The following NRP1 variants were observed in gnomAD, a reference collection of about 807,000 sequenced individuals.
The protein encoded by NRP1 is neuropilin-1.
Under a neutral mutation model 106.7 loss-of-function variants are expected in NRP1, and 35 were observed. That is an observed-to-expected ratio of 0.33 (90% CI 0.25 to 0.43). The LOEUF is 0.43. Among genes scored for constraint, NRP1 ranks in the 20% least tolerant of loss-of-function variants. The pLI, the probability that NRP1 is intolerant of heterozygous loss-of-function variation, is 1.00. For synonymous variants in NRP1, 437 were observed against 417.9 expected, an observed-to-expected ratio of 1.05 and a Z score of -0.56; for missense variants, 1,024 against 1,170.4, an observed-to-expected ratio of 0.87 and a Z score of 1.83.
At chr10:33,299,780 C>T (rs745360952) in intron 2 of NRP1, among the ~76,000 whole-genome samples, 2 of 152,002 alleles carry the variant, frequency 1.3e-5, no homozygotes, top group Non-Finnish European at 2.9e-5. Context: ...AGAGAGACCC[C>T]GTCTCTAAAA....
chr10:33,233,659 C>T (rs368844820), intron 6 of NRP1, among the ~76,000 whole-genome samples: 6 of 152,166 alleles, frequency 3.9e-5, no homozygotes, highest in South Asian at 4.2e-4. Flanking sequence ...GGCAAGGGAG[C>T]GTTTACCAGC....
intron 2 of NRP1, among the ~76,000 whole-genome samples, chr10:33,290,054 A>C (rs1394334776): frequency 1.3e-5 from 2 of 152,174 alleles, no homozygotes; most frequent in African/African-American, 4.8e-5. Context: ...TGTAAATTAC[A>C]GGTTTTGTTC....
chr10:33,270,915 A>G (rs531474070), intron 2 of NRP1, 59 bp from the exon 3 acceptor site: 12 of 1,432,702 alleles, frequency 8.4e-6, no homozygotes, highest in African/African-American at 1.4e-5. Flanking sequence ...TTTAATTTCA[A>G]TAATTTAGAC....
intron 2 of NRP1, among the ~76,000 whole-genome samples, chr10:33,316,215 G>C (rs1372170460): frequency 6.6e-6 from 1 of 152,186 alleles, no homozygotes; most frequent in Non-Finnish European, 1.5e-5. Context: ...TTGGCAAATA[G>C]CTGCAGAAAT....
intron 2 of NRP1, among the ~76,000 whole-genome samples, chr10:33,300,276 C>T (rs558246683): frequency 1.2e-4 from 18 of 152,188 alleles, no homozygotes; most frequent in Non-Finnish European, 2.4e-4. Context: ...AAAATTTCTA[C>T]ACACTTCAAG....
chr10:33,187,732 C>A (rs1168080228), intron 13 of NRP1, among the ~76,000 whole-genome samples: 2 of 152,180 alleles, frequency 1.3e-5, no homozygotes, highest in African/African-American at 2.4e-5. Context: ...GCTGCTCGGG[C>A]CTCAGTGGGC....
intron 2 of NRP1, among the ~76,000 whole-genome samples, chr10:33,275,900 ACT>A (rs1843655904): frequency 6.6e-6 from 1 of 152,092 alleles, no homozygotes; most frequent in African/African-American, 2.4e-5. Flanking sequence ...ACAGGGCAAG[ACT>A]CTGTCTCTAA....
chr10:33,182,297 A>G (rs193146114), intron 16 of NRP1, among the ~76,000 whole-genome samples: 1,653 of 152,202 alleles, frequency 0.011, 25 homozygotes, highest in Non-Finnish European at 0.012. Flanking sequence ...ATATCAACAA[A>G]CAGAAGAATT....
intron 10 of NRP1, among the ~76,000 whole-genome samples, chr10:33,206,557 T>C (rs941688855): frequency 7.0e-6 from 1 of 142,852 alleles, no homozygotes; most frequent in Non-Finnish European, 1.6e-5. Context: ...TGTAATTATA[T>C]TTGGTAGCTC....
chr10:33,241,339 T>C (rs1186166578), intron 6 of NRP1, among the ~76,000 whole-genome samples: 2 of 152,100 alleles, frequency 1.3e-5, no homozygotes, highest in African/African-American at 2.4e-5. Context: ...CTTTTCATGT[T>C]CCAGGAAAAA....
At chr10:33,190,184 C>T (rs1836309505) in intron 13 of NRP1, among the ~76,000 whole-genome samples, 1 of 152,178 alleles carries the variant, frequency 6.6e-6, no homozygotes, top group African/African-American at 2.4e-5. Context: ...TCTCAATTAG[C>T]ACTTTACTTC....
At chr10:33,296,487 G>A (rs1845394202) in intron 2 of NRP1, among the ~76,000 whole-genome samples, 1 of 152,168 alleles carries the variant, frequency 6.6e-6, no homozygotes, top group South Asian at 2.1e-4. Context: ...GATGTTTTTG[G>A]ACCCTTGCAG....
chr10:33,204,445 T>G (rs1187848105), intron 10 of NRP1, among the ~76,000 whole-genome samples: 2 of 152,250 alleles, frequency 1.3e-5, no homozygotes, highest in Non-Finnish European at 2.9e-5. Flanking sequence ...TATTTATTGC[T>G]CTTGCTGAAA....
intron 2 of NRP1, among the ~76,000 whole-genome samples, chr10:33,275,270 A>T (rs1843599316): frequency 6.6e-6 from 1 of 152,296 alleles, no homozygotes; most frequent in South Asian, 2.1e-4. Context: ...AATACCATGG[A>T]ATATTATTCA....
chr10:33,215,038 A>C (rs1469921864), intron 8 of NRP1, among the ~76,000 whole-genome samples: 1 of 152,206 alleles, frequency 6.6e-6, no homozygotes, highest in Admixed American at 6.5e-5. Flanking sequence ...CGACAATAGA[A>C]AAGAGATATC....
chr10:33,303,217 C>T (rs1192450618), intron 2 of NRP1, among the ~76,000 whole-genome samples: 1 of 152,088 alleles, frequency 6.6e-6, no homozygotes, highest in Non-Finnish European at 1.5e-5. Context: ...TCAAAGTGTA[C>T]CAAAACAAAC....
At chr10:33,311,953 C>T (rs2776936) in intron 2 of NRP1, among the ~76,000 whole-genome samples, 126,787 of 151,562 alleles carry the variant, frequency 0.84, 53,627 homozygotes, top group East Asian at 0.98. Context: ...TCCTTTTTTT[C>T]TCATAACAGT....
At chr10:33,316,437 A>C (rs995269891) in intron 2 of NRP1, among the ~76,000 whole-genome samples, 19 of 152,200 alleles carry the variant, frequency 1.2e-4, no homozygotes, top group African/African-American at 4.6e-4. Context: ...TAATTTTAGG[A>C]AATGGTCAGT....
chr10:33,275,767 A>G (rs1325838648), intron 2 of NRP1, among the ~76,000 whole-genome samples: 1 of 150,208 alleles, frequency 6.7e-6, no homozygotes, highest in African/African-American at 2.5e-5. Context: ...TTAATTAGCA[A>G]GGTATGGTGG....
Sources: gnomAD v4.1 joint callset for allele counts (sites outside exome capture counted in the v4.1 genomes callset) on GRCh38, gnomAD v4.1.1 for gene constraint, MANE v1.5 for transcripts, NCBI Gene and HGNC (gene_info 2026-07-23, HGNC 2026-07-21) for gene names.